CUEDC1: variants seen among roughly 807,000 people sequenced by gnomAD.
CUEDC1 encodes CUE domain containing 1, also known as CUE domain-containing protein 1.
In CUEDC1, 30 loss-of-function variants were observed where a neutral mutation model predicts 43.7. The observed-to-expected ratio is 0.69, with a 90% CI of 0.51 to 0.93. The LOEUF (loss-of-function observed/expected upper bound fraction) is 0.93, where lower values mean the gene tolerates loss of function less well. Among genes scored for constraint, CUEDC1 ranks in the 40% least tolerant of loss-of-function variants. The pLI is 0.00. For missense variants in CUEDC1, 486 were observed against 549.0 expected (o/e 0.89, Z 1.15); for synonymous variants, 223 against 223.6 (o/e 1.00, Z 0.02).
chr17:57,871,422 G>C (rs2074033393), intron 5 of CUEDC1, 53 bp from the exon 6 acceptor site: 35 of 1,468,838 alleles, frequency 2.4e-5, no homozygotes, highest in Non-Finnish European at 3.1e-5. Flanking sequence ...GGGCTCCCAG[G>C]GGCAGGCTGG....
In CUEDC1 at chr17:57,872,849, C is replaced by G. The variant is rs769636977; in HGVS notation, c.598G>C (p.Ala200Pro). 1.2e-6 allele frequency: 2 copies of G among 1,611,916 alleles called. No homozygotes were observed. The highest frequency in any genetic ancestry group is 1.7e-6 in the Non-Finnish European group (2 of 1,179,308). ...CCACTCCCAGGCTTGGGGCCCCCAG[C>G]GTTACCCTGAGGAGGGAAGCGAGCA... ...PQQLDSIQGNAGGPKPGSGEG... is the reference protein window; with the variant it reads ...PQQLDSIQGNPGGPKPGSGEG... Residue 200 changes from alanine to proline, a missense_variant, in exon 5 of 11, where the codon GCT becomes CCT. Transcript: ENST00000577830.
chr17:57,937,626 A>G (rs576687958), intron 1 of CUEDC1, among the ~76,000 whole-genome samples: 1 of 150,744 alleles, frequency 6.6e-6, no homozygotes, highest in Non-Finnish European at 1.5e-5. Context: ...AAAAAAACAG[A>G]AAAAGAAAAA....
intron 1 of CUEDC1, among the ~76,000 whole-genome samples, chr17:57,910,380 T>G (rs2074570335): frequency 6.6e-6 from 1 of 151,988 alleles, no homozygotes. Flanking sequence ...GAATACAAGA[T>G]GCAAATGAGC....
chr17:57,864,030 A>T (rs79824434), intron 10 of CUEDC1, among the ~76,000 whole-genome samples: 2 of 151,824 alleles, frequency 1.3e-5, no homozygotes, highest in African/African-American at 4.8e-5. Flanking sequence ...AAGAAAAGAA[A>T]AAGAAAAAAA....
At chr17:57,950,778 G>C (rs967793882) in intron 1 of CUEDC1, among the ~76,000 whole-genome samples, 1 of 152,158 alleles carries the variant, frequency 6.6e-6, no homozygotes, top group Non-Finnish European at 1.5e-5. Flanking sequence ...CTGTGAGCTT[G>C]CACTCTTGAC....
intron 5 of CUEDC1, among the ~76,000 whole-genome samples, 198 bp from the exon 6 acceptor site, chr17:57,871,567 C>T (rs1171434489): frequency 6.6e-6 from 1 of 152,218 alleles, no homozygotes; most frequent in Non-Finnish European, 1.5e-5. Flanking sequence ...GCCTGACAGC[C>T]ATCTCAAATG....
intron 1 of CUEDC1, among the ~76,000 whole-genome samples, chr17:57,946,880 G>A (rs759402638): frequency 4.6e-5 from 7 of 151,976 alleles, no homozygotes; most frequent in Non-Finnish European, 7.4e-5. Context: ...ACTCCATCTC[G>A]GACGCATCTT....
chr17:57,907,585 C>G (rs2074541865), intron 1 of CUEDC1, among the ~76,000 whole-genome samples: 1 of 152,122 alleles, frequency 6.6e-6, no homozygotes, highest in South Asian at 2.1e-4. Flanking sequence ...GTGGCTCATG[C>G]CTGCAATCCC....
intron 1 of CUEDC1, among the ~76,000 whole-genome samples, chr17:57,934,324 G>A (rs62081791): frequency 0.16 from 24,583 of 151,768 alleles, 2,164 homozygotes; most frequent in African/African-American, 0.19. Flanking sequence ...CCCAGGAGTC[G>A]GAGGTTGCAG....
At chr17:57,940,252 T>C (rs2074904987) in intron 1 of CUEDC1, among the ~76,000 whole-genome samples, 1 of 144,918 alleles carries the variant, frequency 6.9e-6, no homozygotes. Context: ...CTGTCAGTGT[T>C]TAAAAAAAAA....
chr17:57,937,891 A>G (rs926524189), intron 1 of CUEDC1, among the ~76,000 whole-genome samples: 1 of 152,194 alleles, frequency 6.6e-6, no homozygotes, highest in Admixed American at 6.5e-5. Context: ...GGGACGACAG[A>G]GAGAGACCTA....
intron 10 of CUEDC1, among the ~76,000 whole-genome samples, chr17:57,865,730 G>A (rs1390088815): frequency 1.3e-5 from 2 of 152,154 alleles, no homozygotes; most frequent in Admixed American, 6.5e-5. Flanking sequence ...TCATCCTGGT[G>A]TGGCAGATCC....
chr17:57,918,260 T>C (rs1185655845), intron 1 of CUEDC1, among the ~76,000 whole-genome samples: 5 of 152,206 alleles, frequency 3.3e-5, no homozygotes, highest in African/African-American at 1.2e-4. Context: ...TTCCAGGGAA[T>C]CAACTTCTGA....
chr17:57,916,062 AACCTCTCCAACCTCTCAGGAGAAACCAAG>A (rs2074636918), intron 1 of CUEDC1, among the ~76,000 whole-genome samples: 1 of 152,232 alleles, frequency 6.6e-6, no homozygotes, highest in African/African-American at 2.4e-5. Context: ...ACGAGTTCAA[AACCTCTCCAACCTCTCAGGAGAAACCAAG>A]GGCCGGAAAG....
At chr17:57,944,833 G>A (rs1304253451) in intron 1 of CUEDC1, among the ~76,000 whole-genome samples, 1 of 152,174 alleles carries the variant, frequency 6.6e-6, no homozygotes, top group Non-Finnish European at 1.5e-5. Flanking sequence ...TCTACAGAGC[G>A]ACAGTATCTC....
intron 1 of CUEDC1, among the ~76,000 whole-genome samples, chr17:57,900,551 A>T (rs2145003138): frequency 6.6e-6 from 1 of 152,330 alleles, no homozygotes; most frequent in East Asian, 1.9e-4. Flanking sequence ...AGAAGCTGCC[A>T]TTTACCAAGT....
intron 1 of CUEDC1, among the ~76,000 whole-genome samples, chr17:57,912,898 AG>A (rs2074599328): frequency 6.6e-6 from 1 of 152,120 alleles, no homozygotes; most frequent in Non-Finnish European, 1.5e-5. Flanking sequence ...TATGTAGTGC[AG>A]TGGTGCGGTC....
intron 1 of CUEDC1, among the ~76,000 whole-genome samples, chr17:57,897,161 A>G (rs983269649): frequency 1.3e-5 from 2 of 152,192 alleles, no homozygotes; most frequent in African/African-American, 4.8e-5. Flanking sequence ...TGGTAGGTAC[A>G]TGCATTTTCT....
At chr17:57,889,460 A>G (rs2074332868) in intron 1 of CUEDC1, among the ~76,000 whole-genome samples, 2 of 152,232 alleles carry the variant, frequency 1.3e-5, no homozygotes, top group African/African-American at 2.4e-5. Flanking sequence ...CAGCAGCTCA[A>G]GCAGCCGCTT....
Sources: gnomAD v4.1 joint callset for allele counts (sites outside exome capture counted in the v4.1 genomes callset) on GRCh38, gnomAD v4.1.1 for gene constraint, MANE v1.5 for transcripts, NCBI Gene and HGNC (gene_info 2026-07-23, HGNC 2026-07-21) for gene names.